The following WDR83 variants were observed in gnomAD, a reference collection of about 807,000 sequenced individuals.
WDR83 encodes WD repeat domain-containing protein 83.
In WDR83, 37 loss-of-function variants were observed where a neutral mutation model predicts 37.7. That is an observed-to-expected ratio of 0.98 (90% CI 0.76 to 1.29). The LOEUF (loss-of-function observed/expected upper bound fraction) is 1.29, where lower values mean the gene tolerates loss of function less well. Ranked by LOEUF, WDR83 falls within the 50% of genes most tolerant of loss-of-function variation. The pLI is 0.00. For missense variants in WDR83, 445 were observed against 414.4 expected (o/e 1.07, Z -0.64); for synonymous variants, 174 against 181.1 (o/e 0.96, Z 0.31).
chr19:12,674,528 G>A (rs959610222), intron 10 of WDR83, among the ~76,000 whole-genome samples: 1 of 152,220 alleles, frequency 6.6e-6, no homozygotes, highest in Non-Finnish European at 1.5e-5. Flanking sequence ...TTTCTTATGG[G>A]CCCAGTAGAA....
At chr19:12,675,120 AACAG>A (rs2024534753) in intron 10 of WDR83, among the ~76,000 whole-genome samples, 1 of 148,184 alleles carries the variant, frequency 6.7e-6, no homozygotes, top group African/African-American at 2.5e-5. Flanking sequence ...CTCAAAAAAA[AACAG>A]AAAAAGAAAA....
At chr19:12,667,450 C>A (rs955014236) in intron 1 of WDR83, among the ~76,000 whole-genome samples, 3 of 152,014 alleles carry the variant, frequency 2.0e-5, no homozygotes, top group African/African-American at 7.2e-5. Context: ...TTTGTAGAGA[C>A]GGGTTTGAAA....
intron 2 of WDR83, chr19:12,669,379 G>C: frequency 6.2e-7 from 1 of 1,601,616 alleles, no homozygotes; most frequent in Non-Finnish European, 8.5e-7. Flanking sequence ...GGCCTCCGTG[G>C]GTCCGACATA....
intron 2 of WDR83, among the ~76,000 whole-genome samples, 171 bp downstream of exon 2, chr19:12,668,798 C>T (rs2145303142): frequency 6.6e-6 from 1 of 152,296 alleles, no homozygotes; most frequent in South Asian, 2.1e-4. Context: ...GGTTTCTAGT[C>T]CTACTGTCTG....
chr19:12,673,038 A>G lies in WDR83; in HGVS notation c.605A>G (p.Asp202Gly), dbSNP rs2024469833. ...ATCACCTGCACCTGCTTCAGCCGGG[A>G]TGGGCAGTGCACCCTGGTGTCCAGC... is the stretch of plus-strand genomic sequence containing the variant. ...SPITCTCFSR[D>G]GQCTLVSSLD... is the part of the protein sequence containing the mutation. The change falls in exon 9 of 11, where the codon GAT becomes GGT. Residue 202 changes from aspartate (D) to glycine (G), a missense_variant. By Grantham distance (94) the Asp-to-Gly change is moderately conservative (BLOSUM62 -1). Coordinates refer to ENST00000418543, the MANE Select transcript of WDR83 (RefSeq NM_001099737.3). 2 of 1,609,222 alleles carry G rather than the reference A, an allele frequency of 1.2e-6. No homozygotes were observed. The highest frequency in any genetic ancestry group is 8.5e-7 in the Non-Finnish European group (1 of 1,177,680).
chr19:12,673,410 C>CTTTTTT (rs58676851), intron 10 of WDR83, 94 bp downstream of exon 10: 6 of 248,014 alleles, frequency 2.4e-5, no homozygotes, highest in East Asian at 1.1e-4. Context: ...AGGCTAGGAT[C>CTTTTTT]TTTTTTTTTT....
intron 7 of WDR83, chr19:12,671,032 A>C: frequency 1.4e-6 from 1 of 697,712 alleles, no homozygotes; most frequent in Non-Finnish European, 2.2e-6. Context: ...CTGTCTACAA[A>C]ATAATAATAA....
In WDR83 at chr19:12,675,669, C is replaced by T; in HGVS notation, c.945C>T (p.Gly315=). Residue 315 remains glycine (G), a synonymous_variant, in exon 11 of 11, where the codon GGC becomes GGT. Coordinates refer to ENST00000418543, the MANE Select transcript of WDR83 (RefSeq NM_001099737.3). ...CCTATGAGGCAGAGGATGGAGCAGG[C>T]TGAAGCCAGGGGACCCACCAACAGG... is the stretch of plus-strand genomic sequence containing the variant. ...EEAYEAEDGA[G] 1.2e-6 allele frequency: 2 copies of T among 1,600,322 alleles called. No homozygotes were observed. The highest frequency in any genetic ancestry group is 8.5e-7 in the Non-Finnish European group (1 of 1,179,330).
At chr19:12,675,150 G>A (rs368088301) in intron 10 of WDR83, among the ~76,000 whole-genome samples, 28 of 152,186 alleles carry the variant, frequency 1.8e-4, no homozygotes, top group African/African-American at 6.5e-4. Flanking sequence ...CCCAAAGCCA[G>A]GCATGGTGGC....
At chr19:12,670,958 G>A (rs1308532885) in intron 7 of WDR83, 137 bp downstream of exon 7, 4 of 1,359,580 alleles carry the variant, frequency 2.9e-6, no homozygotes, top group Admixed American at 2.3e-5. Context: ...AGGCTGAAGT[G>A]GAAGGATCAC....
chr19:12,671,004 T>C, intron 7 of WDR83, 183 bp downstream of exon 7: 2 of 859,250 alleles, frequency 2.3e-6, no homozygotes, highest in Non-Finnish European at 3.5e-6. Flanking sequence ...TTGCACTCCA[T>C]GCTGGGTGAA....
chr19:12,671,126 G>C, intron 7 of WDR83: 1 of 289,984 alleles, frequency 3.4e-6, no homozygotes, highest in South Asian at 3.4e-5. Context: ...TCAGGAGGTT[G>C]AGATCAGCCT....
rs754151523 is a variant in WDR83 at position 12,670,128 on chromosome 19, G to C, written c.224+31G>C. ...CCGGGGACCAGGCTGGGATGGGAGC[G>C]CTGAGGCTGGGATCCGAGGTCGATG... On this transcript the variant is annotated intron_variant, in intron 4 of 10. Coordinates refer to ENST00000418543, the MANE Select transcript of WDR83 (RefSeq NM_001099737.3). The C allele has an allele frequency of 2.5e-6, 4 of 1,606,402 alleles. No individual in the cohort carries two copies. The South Asian group carries it at 4.4e-5, about 18-fold the overall frequency.
intron 2 of WDR83, 73 bp downstream of exon 2, chr19:12,668,700 T>C: frequency 8.7e-7 from 1 of 1,146,496 alleles, no homozygotes. Flanking sequence ...CACCAGATCA[T>C]GCCCACTGAT....
Position 12,670,587 on chromosome 19 carries a change from G to T in WDR83, c.355G>T (p.Glu119Ter), listed in dbSNP as rs1398386908. The change falls in exon 6 of 11, where the codon GAA becomes TAA. Residue 119 changes from glutamate (E) to a stop codon, truncating the protein, a stop_gained. Transcript: ENST00000418543. LOFTEE classifies it high-confidence loss of function. ...GAAGGTGAACACGGTGCAGTTTAATGAAGAGGCCACAGTTATCCTGTCCGG... is the reference window on the plus strand; with the variant it reads ...GAAGGTGAACACGGTGCAGTTTAATTAAGAGGCCACAGTTATCCTGTCCGG... The part of the protein sequence containing the change: ...AGKVNTVQFN[E>*]EATVILSGSI... 6 of 1,614,088 alleles carry T rather than the reference G, an allele frequency of 3.7e-6. No homozygotes were observed. The highest frequency in any genetic ancestry group is 5.1e-6 in the Non-Finnish European group (6 of 1,180,044).
At chr19:12,669,619 C>A (rs2024351042) in intron 2 of WDR83, 136 bp from the exon 3 acceptor site, 1 of 912,650 alleles carries the variant, frequency 1.1e-6, no homozygotes, top group East Asian at 2.7e-5. Flanking sequence ...TGAAAGCGGG[C>A]TTCAATAGTT....
rs757696628 is a variant in WDR83 at position 12,670,772 on chromosome 19, A to G, written c.457A>G (p.Arg153Gly). The change falls in exon 7 of 11, where the codon AGA becomes GGA. Residue 153 changes from arginine (R) to glycine (G), a missense_variant. Coordinates refer to ENST00000418543, the MANE Select transcript of WDR83 (RefSeq NM_001099737.3). ...PEPVQTLDEA[R>G]DGVSSVKVSD... ...GCCAGTGCAGACGCTGGATGAGGCCAGAGATGGCGTGTCCAGTGTGAAGGT... is the reference window on the plus strand; with the variant it reads ...GCCAGTGCAGACGCTGGATGAGGCCGGAGATGGCGTGTCCAGTGTGAAGGT... 41 of 1,614,074 alleles carry G rather than the reference A, an allele frequency of 2.5e-5. No individual in the cohort carries two copies. The highest frequency in any genetic ancestry group is 3.3e-5 in the Admixed American group (2 of 59,996).
chr19:12,666,931 G>A lies in WDR83; in HGVS notation c.-218G>A, dbSNP rs970587094. 8.7e-6 allele frequency: 5 copies of A among 574,744 alleles called. No homozygotes were observed. The highest frequency in any genetic ancestry group is 5.8e-5 in the African/African-American group (3 of 51,906). The allele number at this position is 574,744 out of a possible 1,614,324, so 35.6% of individuals were successfully genotyped here. On this transcript the variant is annotated 5_prime_UTR_variant, in exon 1 of 11. Coordinates refer to ENST00000418543, the MANE Select transcript of WDR83 (RefSeq NM_001099737.3). ...CTAAAGGTGACACTGGCGTCTCACG[G>A]GCTATGAAGACGGAATGCCTCTTAA... is the stretch of plus-strand genomic sequence containing the variant.
At position 12,669,574 on chromosome 19, in the gene WDR83, G is replaced by T. The variant is rs557816654; in HGVS notation, c.-36-181G>T. On this transcript the variant is annotated intron_variant, in intron 2 of 10. Coordinates refer to ENST00000418543, the MANE Select transcript of WDR83 (RefSeq NM_001099737.3). ...AACGGAGATTTAGGAGAAGCCAGAAGTCTTCCTTTCAAAGGGAAAATGGGG... is the reference window on the plus strand; with the variant it reads ...AACGGAGATTTAGGAGAAGCCAGAATTCTTCCTTTCAAAGGGAAAATGGGG... 4.7e-4 allele frequency: 458 copies of T among 971,684 alleles called. 2 individuals carry two copies. The highest frequency in any genetic ancestry group is 3.5e-3 in the South Asian group (209 of 60,112). 60.2% of individuals were successfully genotyped at this position (971,684 alleles called of 1,614,324 possible).
Sources: gnomAD v4.1 joint callset for allele counts (sites outside exome capture counted in the v4.1 genomes callset) on GRCh38, gnomAD v4.1.1 for gene constraint, MANE v1.5 for transcripts, NCBI Gene and HGNC (gene_info 2026-07-23, HGNC 2026-07-21) for gene names.